HIP1: variants seen among roughly 807,000 people sequenced by gnomAD.
The protein encoded by HIP1 is huntingtin-interacting protein 1.
A neutral mutation model predicts 147.6 loss-of-function variants in HIP1; 65 were observed. The ratio of observed to expected loss-of-function variants is 0.44; its 90% CI spans 0.36 to 0.54. The LOEUF (loss-of-function observed/expected upper bound fraction) is 0.54. HIP1 is among the 20% of genes least tolerant of loss of function. HIP1 has a pLI of 0.00. For missense variants in HIP1, 1,061 were observed against 1,299.6 expected (o/e 0.82, Z 2.82); for synonymous variants, 479 against 504.0 (o/e 0.95, Z 0.67).
At chr7:75,690,230 G>A (rs1800401729) in intron 1 of HIP1, among the ~76,000 whole-genome samples, 1 of 151,924 alleles carries the variant, frequency 6.6e-6, no homozygotes, top group African/African-American at 2.4e-5. Context: ...AGGGGGTGGT[G>A]ATTGCACCAC....
intron 1 of HIP1, among the ~76,000 whole-genome samples, chr7:75,710,334 C>A (rs759631250): frequency 1.9e-4 from 29 of 152,132 alleles, no homozygotes; most frequent in Admixed American, 1.0e-3. Context: ...ATAAGTTAAA[C>A]CATCCTTGCA....
At position 75,716,831 on chromosome 7, in the gene HIP1, G is replaced by GT. The variant is rs1801339310; in HGVS notation, c.120+21969_120+21970insA. 3.7e-5 allele frequency among the ~76,000 whole-genome samples: 5 copies of GT among 136,954 alleles called. No individual in the cohort carries two copies. The East Asian group carries it at 6.0e-4, about 16-fold the overall frequency. The allele number at this position is 136,954 out of a possible 152,430, so 89.8% of individuals were successfully genotyped here. A position where few individuals can be genotyped will look rare whatever the true frequency, so the allele number is the denominator to read the frequency against. On this transcript the variant is annotated intron_variant, in intron 1 of 30. Transcript: ENST00000336926. ...ACCACGCCCAGCTTTTTTTTAGGGGGGGGGAAAGGATCTCACTCTGTCACT... is the reference window on the plus strand; with the variant it reads ...ACCACGCCCAGCTTTTTTTTAGGGGGTGGGGAAAGGATCTCACTCTGTCACT...
At chr7:75,616,627 C>T (rs62478516) in intron 1 of HIP1, among the ~76,000 whole-genome samples, 5 of 88,182 alleles carry the variant, frequency 5.7e-5, no homozygotes, top group African/African-American at 1.2e-4. Context: ...AGGAGGAGGA[C>T]GAGGAGGAGG....
intron 9 of HIP1, among the ~76,000 whole-genome samples, chr7:75,563,667 G>GTAGC (rs782766383): frequency 6.6e-6 from 1 of 152,158 alleles, no homozygotes; most frequent in Non-Finnish European, 1.5e-5. Flanking sequence ...TACTACAAAG[G>GTAGC]TAGCTCTCTT....
chr7:75,732,912 A>C (rs530040379), intron 1 of HIP1, among the ~76,000 whole-genome samples: 77 of 152,110 alleles, frequency 5.1e-4, no homozygotes, highest in Admixed American at 1.4e-3. Flanking sequence ...CAGAGCCCCA[A>C]GGCTTGTCCA....
chr7:75,552,485 G>A (rs1447060557), intron 22 of HIP1, among the ~76,000 whole-genome samples: 2 of 151,740 alleles, frequency 1.3e-5, no homozygotes, highest in African/African-American at 4.9e-5. Flanking sequence ...GAGTAGCTGG[G>A]ACTACAGGTG....
rs1563278412 is a variant in HIP1 at position 75,664,026 on chromosome 7, GTGTATATATATACACATATA to G, written c.121-64799_121-64780del. On this transcript the variant is annotated intron_variant, in intron 1 of 30. Coordinates refer to ENST00000336926, the MANE Select transcript of HIP1 (RefSeq NM_005338.7). ...TATGTGTATATATATACACATATAT[GTGTATATATATACACATATA>G]TGTGTATATACACATATATGTGTAT... 9.3e-4 allele frequency among the ~76,000 whole-genome samples: 19 copies of G among 20,460 alleles called. 7 individuals carry two copies. Among genetic ancestry groups the G allele is most frequent in the Non-Finnish European group, 1.4e-3 (18 of 12,654 alleles). 13.4% of individuals were successfully genotyped at this position (20,460 alleles called of 152,430 possible).
chr7:75,589,824 G>A (rs757919414), intron 4 of HIP1, among the ~76,000 whole-genome samples: 2 of 149,950 alleles, frequency 1.3e-5, no homozygotes, highest in Admixed American at 6.7e-5. Flanking sequence ...TCCGCCTCCC[G>A]GGTTCACGCC....
intron 1 of HIP1, among the ~76,000 whole-genome samples, chr7:75,679,607 T>C (rs1799999250): frequency 6.6e-6 from 1 of 152,190 alleles, no homozygotes; most frequent in Non-Finnish European, 1.5e-5. Flanking sequence ...CACTCCGTTG[T>C]TCCTGAAACT....
chr7:75,648,574 G>A (rs1463336352), intron 1 of HIP1, among the ~76,000 whole-genome samples: 1 of 152,124 alleles, frequency 6.6e-6, no homozygotes, highest in Non-Finnish European at 1.5e-5. Context: ...AAGCACGGCT[G>A]AGCCATATGC....
Position 75,539,280 on chromosome 7 carries a change from C to T in HIP1, c.3061+43G>A, listed in dbSNP as rs782164740. The T allele has an allele frequency of 5.6e-6, 8 of 1,440,966 alleles. No homozygotes were observed. In the African/African-American group the frequency reaches 7.0e-5, roughly 13 times the overall value. The allele number at this position is 1,440,966 out of a possible 1,614,324, so 89.3% of individuals were successfully genotyped here. A position where few individuals can be genotyped will look rare whatever the true frequency, so the allele number is the denominator to read the frequency against. On this transcript the variant is annotated intron_variant, in intron 30 of 30. Transcript: ENST00000336926. Reference sequence around the variant, plus strand: ...GGAAGGCCCTGGCCACACAGCTTCCCCTCCCTGCTGCGGGTTAGTGCCCAT... The same window carrying T: ...GGAAGGCCCTGGCCACACAGCTTCCTCTCCCTGCTGCGGGTTAGTGCCCAT...
At chr7:75,564,545 C>T (rs587775596) in intron 9 of HIP1, among the ~76,000 whole-genome samples, 5 of 152,056 alleles carry the variant, frequency 3.3e-5, no homozygotes, top group South Asian at 2.1e-4. Flanking sequence ...CCGCCCGTCT[C>T]GGCCTCCCAA....
chr7:75,563,478 T>C, intron 9 of HIP1: 3 of 570,174 alleles, frequency 5.3e-6, no homozygotes, highest in South Asian at 2.2e-5. Flanking sequence ...GAGTAATTCA[T>C]GCTACAAATC....
At chr7:75,712,410 T>C (rs1318831107) in intron 1 of HIP1, among the ~76,000 whole-genome samples, 1 of 152,116 alleles carries the variant, frequency 6.6e-6, no homozygotes, top group Non-Finnish European at 1.5e-5. Flanking sequence ...GTGAAAAAGT[T>C]AACTGAGTGC....
intron 4 of HIP1, among the ~76,000 whole-genome samples, chr7:75,587,412 A>C (rs782143172): frequency 3.3e-5 from 5 of 152,220 alleles, no homozygotes; most frequent in Non-Finnish European, 5.9e-5. Flanking sequence ...GTAAAATAGA[A>C]TCAATCTATT....
chr7:75,587,468 C>T (rs1264300679), intron 4 of HIP1, among the ~76,000 whole-genome samples: 1 of 152,172 alleles, frequency 6.6e-6, no homozygotes, highest in East Asian at 1.9e-4. Context: ...CTTAAACTTT[C>T]TTTCATTATT....
intron 29 of HIP1, among the ~76,000 whole-genome samples, 193 bp downstream of exon 29, chr7:75,541,726 A>AG (rs1794327402): frequency 4.0e-5 from 1 of 24,920 alleles, no homozygotes; most frequent in African/African-American, 2.7e-4. Context: ...CAAGACAAAC[A>AG]AAAAAAAAAA....
chr7:75,570,630 G>GA (rs2116877202), intron 8 of HIP1, among the ~76,000 whole-genome samples: 1 of 152,218 alleles, frequency 6.6e-6, no homozygotes, highest in East Asian at 1.9e-4. Context: ...CGAACAAAGG[G>GA]AAAATGGAAC....
chr7:75,543,848 A>G (rs2116740404), intron 27 of HIP1, among the ~76,000 whole-genome samples: 1 of 152,244 alleles, frequency 6.6e-6, no homozygotes, highest in African/African-American at 2.4e-5. Context: ...CTGGGTACAG[A>G]CTGGGTACAG....
Sources: gnomAD v4.1 joint callset for allele counts (sites outside exome capture counted in the v4.1 genomes callset) on GRCh38, gnomAD v4.1.1 for gene constraint, MANE v1.5 for transcripts, NCBI Gene and HGNC (gene_info 2026-07-23, HGNC 2026-07-21) for gene names.